Variants in PRKD1 observed in about 807,000 individuals in gnomAD.
PRKD1 encodes the protein protein kinase D1, also known as serine/threonine-protein kinase D1.
In PRKD1, 63 loss-of-function variants were observed where a neutral mutation model predicts 95.9. That is an observed-to-expected ratio of 0.66 (90% confidence interval 0.54 to 0.81). The LOEUF (loss-of-function observed/expected upper bound fraction) is 0.81. Among genes scored for constraint, PRKD1 ranks in the 30% least tolerant of loss-of-function variants. The pLI is 0.00. For synonymous variants in PRKD1, 425 were observed against 423.1 expected (o/e 1.00, Z -0.05); for missense variants, 1,048 against 1,165.3 (o/e 0.90, Z 1.47).
At chr14:29,873,116 C>T (rs968469699) in intron 1 of PRKD1, among the ~76,000 whole-genome samples, 3 of 152,084 alleles carry the variant, frequency 2.0e-5, no homozygotes, top group Non-Finnish European at 4.4e-5. Context: ...GATGGAGTCT[C>T]GCTCTATCAC....
At chr14:29,676,101 T>A (rs12323427) in intron 2 of PRKD1, among the ~76,000 whole-genome samples, 73,155 of 150,136 alleles carry the variant, frequency 0.49, 19,504 homozygotes, top group African/African-American at 0.71. Flanking sequence ...ACATGTACCC[T>A]AGAATTTAAA....
At chr14:29,800,842 C>A (rs1279454556) in intron 1 of PRKD1, among the ~76,000 whole-genome samples, 1 of 152,142 alleles carries the variant, frequency 6.6e-6, no homozygotes, top group African/African-American at 2.4e-5. Context: ...TCATCCCTTT[C>A]CTTCTAGCTC....
At chr14:29,822,937 GA>G (rs753005626) in intron 1 of PRKD1, among the ~76,000 whole-genome samples, 36 of 152,222 alleles carry the variant, frequency 2.4e-4, no homozygotes, top group Non-Finnish European at 4.6e-4. Context: ...ATTCTCCAAA[GA>G]AATTTTAAGG....
intron 4 of PRKD1, among the ~76,000 whole-genome samples, chr14:29,651,641 G>A (rs1881505482): frequency 6.6e-6 from 1 of 150,520 alleles, no homozygotes. Context: ...TTCTTCTATA[G>A]AAATCTTTCT....
chr14:29,656,978 G>C (rs1278647898), intron 4 of PRKD1, among the ~76,000 whole-genome samples: 1 of 152,174 alleles, frequency 6.6e-6, no homozygotes, highest in East Asian at 1.9e-4. Context: ...TTGCAAGCAA[G>C]AATAAGCTAA....
chr14:29,597,950 A>G (rs1277715015), intron 15 of PRKD1, among the ~76,000 whole-genome samples, 192 bp from the exon 16 acceptor site: 2 of 152,212 alleles, frequency 1.3e-5, no homozygotes, highest in Non-Finnish European at 2.9e-5. Flanking sequence ...GTGATACAAA[A>G]GTATGTTTTC....
chr14:29,587,900 C>G (rs1022552984), intron 16 of PRKD1, among the ~76,000 whole-genome samples: 1 of 152,162 alleles, frequency 6.6e-6, no homozygotes, highest in Non-Finnish European at 1.5e-5. Flanking sequence ...AGTGGAGGTT[C>G]TGACCACCAT....
intron 4 of PRKD1, among the ~76,000 whole-genome samples, chr14:29,654,477 T>C (rs961562195): frequency 7.9e-5 from 12 of 152,108 alleles, no homozygotes; most frequent in Admixed American, 1.3e-4. Context: ...CTTGGCCAAA[T>C]AAATATTTAT....
chr14:29,791,385 C>T (rs1301484890), intron 1 of PRKD1, among the ~76,000 whole-genome samples: 1 of 152,108 alleles, frequency 6.6e-6, no homozygotes, highest in Admixed American at 6.6e-5. Context: ...TTTGTCATAT[C>T]AATGTAACAC....
intron 1 of PRKD1, among the ~76,000 whole-genome samples, chr14:29,773,425 A>C (rs947767545): frequency 2.7e-5 from 4 of 148,218 alleles, no homozygotes; most frequent in Non-Finnish European, 5.9e-5. Flanking sequence ...GTGCCAATGC[A>C]CTCCAGCATG....
intron 2 of PRKD1, among the ~76,000 whole-genome samples, chr14:29,708,576 T>C (rs991525450): frequency 6.6e-5 from 10 of 152,208 alleles, no homozygotes; most frequent in Admixed American, 1.3e-4. Context: ...AAAAAATCTT[T>C]AGGCTGGGCG....
intron 1 of PRKD1, among the ~76,000 whole-genome samples, chr14:29,869,545 A>C (rs1893031987): frequency 6.6e-6 from 1 of 152,170 alleles, no homozygotes; most frequent in Admixed American, 6.6e-5. Flanking sequence ...CTCATAAATA[A>C]GGTCATACAG....
At chr14:29,675,107 C>T (rs1482655449) in intron 2 of PRKD1, among the ~76,000 whole-genome samples, 33 of 152,160 alleles carry the variant, frequency 2.2e-4, no homozygotes, top group Admixed American at 2.1e-3. Context: ...GGCTCAGGGG[C>T]ACTGAAAGGA....
At chr14:29,867,324 G>C (rs543926957) in intron 1 of PRKD1, among the ~76,000 whole-genome samples, 15 of 152,300 alleles carry the variant, frequency 9.8e-5, no homozygotes, top group Non-Finnish European at 1.6e-4. Flanking sequence ...TTCAAGGAGT[G>C]ACATTTAAAT....
At chr14:29,711,898 T>C (rs951611392) in intron 2 of PRKD1, among the ~76,000 whole-genome samples, 3 of 152,170 alleles carry the variant, frequency 2.0e-5, no homozygotes, top group Non-Finnish European at 4.4e-5. Context: ...TTCTCACAAA[T>C]ATAAATTATG....
intron 3 of PRKD1, 99 bp downstream of exon 3, chr14:29,665,978 G>C (rs1310990812): frequency 7.5e-7 from 1 of 1,326,240 alleles, no homozygotes. Context: ...TTGGTTGATG[G>C]GCACTTAGCT....
At chr14:29,691,751 A>G (rs544866374) in intron 2 of PRKD1, among the ~76,000 whole-genome samples, 1 of 152,310 alleles carries the variant, frequency 6.6e-6, no homozygotes, top group South Asian at 2.1e-4. Context: ...TAGTTGGATT[A>G]GGTATGTACA....
intron 1 of PRKD1, among the ~76,000 whole-genome samples, chr14:29,741,182 T>G (rs987975054): frequency 1.6e-4 from 24 of 152,164 alleles, no homozygotes; most frequent in African/African-American, 5.8e-4. Flanking sequence ...ACCTGGGTGA[T>G]AAAATTGTTT....
At chr14:29,811,076 A>G (rs1286405281) in intron 1 of PRKD1, among the ~76,000 whole-genome samples, 1 of 152,220 alleles carries the variant, frequency 6.6e-6, no homozygotes. Context: ...TGAAGATAAC[A>G]CTATGCTTAT....
Sources: gnomAD v4.1 joint callset for allele counts (sites outside exome capture counted in the v4.1 genomes callset) on GRCh38, gnomAD v4.1.1 for gene constraint, MANE v1.5 for transcripts, NCBI Gene and HGNC (gene_info 2026-07-23, HGNC 2026-07-21) for gene names.